SIK3: variants seen among roughly 807,000 people sequenced by gnomAD.
SIK3 encodes the protein SIK family kinase 3, also known as serine/threonine-protein kinase SIK3.
In SIK3, 28 loss-of-function variants were observed where a neutral mutation model predicts 144.2. The ratio of observed to expected loss-of-function variants is 0.19; its 90% CI spans 0.14 to 0.27. The LOEUF is 0.27. Among genes scored for constraint, SIK3 ranks in the 10% least tolerant of loss-of-function variants. The probability of loss-of-function intolerance (pLI) is 1.00; values close to 1 mark genes in which losing one functional copy is unlikely to be tolerated. For synonymous variants in SIK3, 686 were observed against 676.3 expected, an observed-to-expected ratio of 1.01 and a Z score of -0.22; for missense variants, 1,319 against 1,776.0, an observed-to-expected ratio of 0.74 and a Z score of 4.62.
chr11:117,024,664 C>T (rs1951935482), intron 1 of SIK3, among the ~76,000 whole-genome samples: 1 of 152,156 alleles, frequency 6.6e-6, no homozygotes, highest in South Asian at 2.1e-4. Flanking sequence ...CTTCGGGAGG[C>T]CAAGGCAGTT....
At chr11:117,051,782 G>A (rs1953256131) in intron 1 of SIK3, among the ~76,000 whole-genome samples, 1 of 151,886 alleles carries the variant, frequency 6.6e-6, no homozygotes, top group East Asian at 2.0e-4. Context: ...GCCCGCCTCA[G>A]CCTCCCAAAA....
At chr11:117,075,571 C>A (rs1248508192) in intron 1 of SIK3, among the ~76,000 whole-genome samples, 1 of 142,202 alleles carries the variant, frequency 7.0e-6, no homozygotes, top group East Asian at 2.0e-4. Context: ...TGAGGAATCT[C>A]AGCTCTGCTG....
chr11:116,868,843 CTTAGTTAA>C (rs1325304920), intron 14 of SIK3: 2 of 152,298 alleles, frequency 1.3e-5, no homozygotes, highest in African/African-American at 4.8e-5. Context: ...AGACCCAGCA[CTTAGTTAA>C]TACCATCAAT....
chr11:117,073,196 G>GCATTACTTAAATTATATACACAGCAAC (rs1954355761), intron 1 of SIK3, among the ~76,000 whole-genome samples: 1 of 152,202 alleles, frequency 6.6e-6, no homozygotes. Flanking sequence ...TGCACAGCAA[G>GCATTACTTAAATTATATACACAGCAAC]TGCATTACTT....
Position 116,858,689 on chromosome 11 carries a change from T to G in SIK3, c.2776A>C (p.Asn926His). 1 of 1,536,086 alleles carries G rather than the reference T, an allele frequency of 6.5e-7. No homozygotes were observed. The highest frequency in any genetic ancestry group is 8.8e-7 in the Non-Finnish European group (1 of 1,140,822). Residue 926 changes from asparagine to histidine, a missense_variant, in exon 21 of 25, where the codon AAT becomes CAT. Coordinates refer to ENST00000445177, the MANE Select transcript of SIK3 (RefSeq NM_001366686.3). This position sits in a 1 kb window ranked among gnomAD's most constrained non-coding sequence, Gnocchi z 5.4. Reference sequence around the variant, plus strand: ...TCGTAGTTAGCAGGGGAGAACCGATTCACGTTCAAGCTGCAGACACAAAAG... The same window carrying G: ...TCGTAGTTAGCAGGGGAGAACCGATGCACGTTCAAGCTGCAGACACAAAAG... ...DSAEAHSLNV[N>H]RFSPANYDQA... is the part of the protein sequence containing the mutation.
At chr11:116,956,153 G>C (rs1949129499) in intron 2 of SIK3, among the ~76,000 whole-genome samples, 1 of 152,098 alleles carries the variant, frequency 6.6e-6, no homozygotes, top group African/African-American at 2.4e-5. Flanking sequence ...CCAACACATT[G>C]CAATTTGAGA....
At chr11:116,988,558 ATTGCTTGAGCTCAGGAG>A (rs1225216412) in intron 1 of SIK3, among the ~76,000 whole-genome samples, 9 of 152,096 alleles carry the variant, frequency 5.9e-5, no homozygotes, top group Non-Finnish European at 1.0e-4. Context: ...AGGCAGGTGA[ATTGCTTGAGCTCAGGAG>A]TTTGAGACCA....
chr11:117,066,476 A>G (rs1214700485), intron 1 of SIK3, among the ~76,000 whole-genome samples: 3 of 152,054 alleles, frequency 2.0e-5, no homozygotes, highest in South Asian at 2.1e-4. Flanking sequence ...TATATAACAC[A>G]GGACTTGTAT....
At chr11:117,013,959 C>CTTTTTTTTTTTT (rs1232857124) in intron 1 of SIK3, among the ~76,000 whole-genome samples, 2 of 8,250 alleles carry the variant, frequency 2.4e-4, no homozygotes, top group Non-Finnish European at 5.9e-4. Context: ...TGTTTTATTT[C>CTTTTTTTTTTTT]TTTTTTTCTT....
intron 1 of SIK3, among the ~76,000 whole-genome samples, chr11:116,998,155 T>C (rs549575584): frequency 6.9e-6 from 1 of 144,290 alleles, no homozygotes; most frequent in Non-Finnish European, 1.5e-5. Context: ...AGGTAGTGTA[T>C]ATGATAATTT....
chr11:117,095,480 A>G (rs910904707), intron 1 of SIK3, among the ~76,000 whole-genome samples: 7 of 152,222 alleles, frequency 4.6e-5, no homozygotes, highest in African/African-American at 1.7e-4. Flanking sequence ...TAAAGGCTGC[A>G]GTGCATGGGG....
chr11:117,060,290 G>C (rs1308062687), intron 1 of SIK3, among the ~76,000 whole-genome samples: 2 of 152,132 alleles, frequency 1.3e-5, no homozygotes, highest in African/African-American at 4.8e-5. Context: ...TCAAAACTAT[G>C]GAGACAGTAA....
chr11:116,954,149 A>G (rs1282063341), intron 2 of SIK3, 42 bp from the exon 3 acceptor site: 1 of 1,509,926 alleles, frequency 6.6e-7, no homozygotes, highest in East Asian at 2.3e-5. Flanking sequence ...GACACAAATG[A>G]CAGGCTGATA....
intron 6 of SIK3, among the ~76,000 whole-genome samples, chr11:116,892,075 A>G (rs185294640): frequency 6.6e-6 from 1 of 152,322 alleles, no homozygotes; most frequent in East Asian, 1.9e-4. Flanking sequence ...TCAATACATG[A>G]AAGTGAAGAT....
At chr11:116,888,156 C>T (rs918002798) in intron 6 of SIK3, among the ~76,000 whole-genome samples, 18 of 152,202 alleles carry the variant, frequency 1.2e-4, no homozygotes, top group South Asian at 8.3e-4. Flanking sequence ...TCTGGTCTTC[C>T]AAGTGATCAT....
At chr11:117,093,460 G>T in intron 1 of SIK3, among the ~76,000 whole-genome samples, 1 of 152,180 alleles carries the variant, frequency 6.6e-6, no homozygotes, top group East Asian at 1.9e-4. Context: ...GCACGCAAGG[G>T]CAAATGTGTC....
intron 1 of SIK3, among the ~76,000 whole-genome samples, chr11:116,981,243 G>A (rs142009167): frequency 6.4e-4 from 97 of 152,306 alleles, no homozygotes; most frequent in Non-Finnish European, 1.0e-3. Flanking sequence ...AGAACTGAAG[G>A]ATCCACTTGC....
At chr11:117,002,285 C>T (rs939399673) in intron 1 of SIK3, among the ~76,000 whole-genome samples, 21 of 151,900 alleles carry the variant, frequency 1.4e-4, no homozygotes, top group African/African-American at 3.9e-4. Context: ...AACATTATCA[C>T]ACTTTTTTGC....
chr11:116,921,898 A>T (rs1947000883), intron 4 of SIK3, among the ~76,000 whole-genome samples: 2 of 152,124 alleles, frequency 1.3e-5, no homozygotes, highest in Non-Finnish European at 2.9e-5. Flanking sequence ...GCACAAAAAA[A>T]ATCATAAACA....
Sources: allele counts gnomAD v4.1 joint callset (sites outside exome capture counted in the v4.1 genomes callset), GRCh38; gene constraint gnomAD v4.1.1; non-coding constraint Gnocchi (gnomAD v3.1); transcripts MANE v1.5; gene names NCBI Gene and HGNC (gene_info 2026-07-23, HGNC 2026-07-21).